The following DNAJC1 variants were observed in gnomAD, a reference collection of about 807,000 sequenced individuals.
The protein encoded by DNAJC1 is dnaJ homolog subfamily C member 1.
DNAJC1 carries 58 observed loss-of-function variants against 76.6 expected under a neutral mutation model. That is an observed-to-expected ratio of 0.76 (90% CI 0.61 to 0.94). DNAJC1 has a LOEUF of 0.94. Among genes scored for constraint, DNAJC1 ranks in the 40% least tolerant of loss-of-function variants. The pLI, the probability that DNAJC1 is intolerant of heterozygous loss-of-function variation, is 0.00. For synonymous variants in DNAJC1, 258 were observed against 267.9 expected, an observed-to-expected ratio of 0.96 and a Z score of 0.36; for missense variants, 689 against 677.3, an observed-to-expected ratio of 1.02 and a Z score of -0.19.
intron 8 of DNAJC1, among the ~76,000 whole-genome samples, chr10:21,876,155 T>C (rs1373911442): frequency 1.3e-5 from 2 of 151,678 alleles, no homozygotes; most frequent in African/African-American, 4.8e-5. Flanking sequence ...CTGTCGCCTA[T>C]GCTGGAGTGC....
At chr10:21,932,786 A>C (rs1170572375) in intron 1 of DNAJC1, among the ~76,000 whole-genome samples, 6 of 152,152 alleles carry the variant, frequency 3.9e-5, no homozygotes, top group African/African-American at 1.4e-4. Context: ...AAATGTATTT[A>C]TTTGATTTTT....
intron 9 of DNAJC1, among the ~76,000 whole-genome samples, chr10:21,782,349 C>T (rs1156325018): frequency 1.9e-4 from 29 of 152,074 alleles, no homozygotes; most frequent in South Asian, 1.0e-3. Context: ...AGGAAGAAGT[C>T]GAATCTCTGA....
At chr10:21,808,088 T>C (rs1008108731) in intron 8 of DNAJC1, among the ~76,000 whole-genome samples, 8 of 152,166 alleles carry the variant, frequency 5.3e-5, no homozygotes, top group Admixed American at 3.3e-4. Context: ...CATGAAGAGC[T>C]TGAAGTTGAT....
chr10:21,795,559 T>C (rs1423322375), intron 9 of DNAJC1, among the ~76,000 whole-genome samples: 1 of 152,008 alleles, frequency 6.6e-6, no homozygotes, highest in Non-Finnish European at 1.5e-5. Context: ...GAGTGGGAAA[T>C]GATTGCTAAT....
chr10:21,962,926 G>C (rs889401555), intron 1 of DNAJC1, among the ~76,000 whole-genome samples: 2 of 151,940 alleles, frequency 1.3e-5, no homozygotes, highest in Non-Finnish European at 2.9e-5. Flanking sequence ...CTGTTTTCTT[G>C]TTTTAAAATA....
rs558187476 is a variant in DNAJC1, at chr10:21,872,981, G to A, written c.978+9301C>T. Among the ~76,000 whole-genome samples the A allele has an allele frequency of 2.6e-5, 4 of 152,162 alleles. No homozygotes were observed. The South Asian group carries it at 6.2e-4, about 24-fold the overall frequency. On this transcript the variant is annotated intron_variant, in intron 8 of 11. Coordinates refer to ENST00000376980, the MANE Select transcript of DNAJC1 (RefSeq NM_022365.4). ...GCCCTGGGCCTGGTAGTTAAAGAAC[G>A]ACCCCTGACCTAACCGGTTATGTTA...
intron 9 of DNAJC1, among the ~76,000 whole-genome samples, chr10:21,781,218 T>C (rs967416978): frequency 2.6e-5 from 4 of 152,106 alleles, no homozygotes; most frequent in African/African-American, 7.2e-5. Flanking sequence ...TATCCAGAAA[T>C]TGAACTCAGC....
chr10:21,837,845 G>A (rs1835493319), intron 8 of DNAJC1, among the ~76,000 whole-genome samples: 2 of 147,122 alleles, frequency 1.4e-5, no homozygotes, highest in South Asian at 4.3e-4. Context: ...CCCCCGCCTG[G>A]CCAGCCGCCC....
At chr10:21,904,633 A>G (rs1468645535) in intron 6 of DNAJC1, 21 bp from the exon 7 acceptor site, 1 of 1,423,608 alleles carries the variant, frequency 7.0e-7, no homozygotes, top group East Asian at 2.3e-5. Context: ...AAAGTTATAC[A>G]TAAATTAACA....
rs139112575 is a variant in DNAJC1 at position 21,933,843 on chromosome 10, T to A, written c.223-4702A>T. On this transcript the variant is annotated intron_variant, in intron 1 of 11. Transcript: ENST00000376980. The stretch of plus-strand genomic sequence containing the variant: ...AATGTATCTATTCATGTGTTTGTGG[T>A]GAGGCTAGTGTAAACAAACCTGCTG... 8.5e-5 allele frequency among the ~76,000 whole-genome samples: 13 copies of A among 152,288 alleles called. No individual in the cohort carries two copies. The East Asian group carries it at 2.3e-3, about 27-fold the overall frequency.
intron 8 of DNAJC1, among the ~76,000 whole-genome samples, chr10:21,838,066 C>T (rs1306979523): frequency 4.6e-5 from 7 of 151,726 alleles, no homozygotes; most frequent in South Asian, 2.1e-4. Flanking sequence ...TCTGCCTGGC[C>T]GCCCCTTCTG....
At chr10:21,958,490 G>A (rs1035621845) in intron 1 of DNAJC1, among the ~76,000 whole-genome samples, 4 of 150,920 alleles carry the variant, frequency 2.7e-5, no homozygotes, top group African/African-American at 9.8e-5. Context: ...GTGCAGTGGC[G>A]CGATCTCGGT....
intron 9 of DNAJC1, among the ~76,000 whole-genome samples, chr10:21,770,420 T>TG (rs1373704001): frequency 7.2e-6 from 1 of 139,026 alleles, no homozygotes; most frequent in African/African-American, 2.8e-5. Flanking sequence ...TTTTTTGAGA[T>TG]GGAGTCTAGC....
chr10:21,929,020 T>A lies in DNAJC1; in HGVS notation c.324+20A>T. On this transcript the variant is annotated intron_variant, in intron 2 of 11. Transcript: ENST00000376980. ...ATACATTTGTCACAAAATATATATA[T>A]AATAGCATATTTCACTTACTTGTCT... is the stretch of plus-strand genomic sequence containing the variant. 1 of 1,440,256 alleles carries A rather than the reference T, an allele frequency of 6.9e-7. No homozygotes were observed. The highest frequency in any genetic ancestry group is 9.7e-7 in the Non-Finnish European group (1 of 1,034,584). 89.2% of individuals were successfully genotyped at this position (1,440,256 alleles called of 1,614,324 possible). A position where few individuals can be genotyped will look rare whatever the true frequency, so the allele number is the denominator to read the frequency against.
At chr10:22,002,195 T>C (rs1447159409) in intron 1 of DNAJC1, among the ~76,000 whole-genome samples, 1 of 152,226 alleles carries the variant, frequency 6.6e-6, no homozygotes, top group Non-Finnish European at 1.5e-5. Context: ...ATGTGAAGTG[T>C]GCCTTGAATG....
chr10:21,928,506 C>T lies in DNAJC1; in HGVS notation c.371G>A (p.Arg124Lys). 1 of 1,612,278 alleles carries T rather than the reference C, an allele frequency of 6.2e-7. No homozygotes were observed. Among genetic ancestry groups the T allele is most frequent in the African/African-American group, 1.3e-5 (1 of 74,960 alleles). The change falls in exon 3 of 12, where the codon AGG (arginine) becomes AAG (lysine). Residue 124 changes from arginine to lysine, a missense_variant and splice_region_variant. Coordinates refer to ENST00000376980, the MANE Select transcript of DNAJC1 (RefSeq NM_022365.4). Reference sequence around the variant, plus strand: ...TTCAAAAGCAGAAATGAACACTCACCTCTGCCTTCGTTCATCATCCTTTAA... The same window carrying T: ...TTCAAAAGCAGAAATGAACACTCACTTCTGCCTTCGTTCATCATCCTTTAA... Reference protein sequence around the residue: ...EVLKDDERRQRYDDILINGLP... With the variant: ...EVLKDDERRQKYDDILINGLP...
intron 7 of DNAJC1, among the ~76,000 whole-genome samples, chr10:21,896,726 A>C (rs1836550385): frequency 6.6e-6 from 1 of 151,898 alleles, no homozygotes; most frequent in African/African-American, 2.4e-5. Context: ...GAAGGATATA[A>C]ATTTTGGAAG....
intron 1 of DNAJC1, among the ~76,000 whole-genome samples, chr10:21,951,318 C>CAA (rs1308554406): frequency 7.8e-6 from 1 of 128,170 alleles, no homozygotes; most frequent in African/African-American, 2.9e-5. Context: ...AGATCCATCT[C>CAA]AAAAAAAAAA....
At chr10:21,889,352 C>G (rs1836423426) in intron 7 of DNAJC1, among the ~76,000 whole-genome samples, 1 of 152,118 alleles carries the variant, frequency 6.6e-6, no homozygotes, top group Non-Finnish European at 1.5e-5. Flanking sequence ...CCAGACCCCA[C>G]CTCCAATACT....
Sources: allele counts gnomAD v4.1 joint callset (sites outside exome capture counted in the v4.1 genomes callset), GRCh38; gene constraint gnomAD v4.1.1; transcripts MANE v1.5; gene names NCBI Gene and HGNC (gene_info 2026-07-23, HGNC 2026-07-21).